Variants in SMCHD1 observed in about 807,000 individuals in gnomAD.
SMCHD1 encodes structural maintenance of chromosomes flexible hinge domain containing 1.
In SMCHD1, 78 loss-of-function variants were observed where a neutral mutation model predicts 254.7. The observed-to-expected ratio is 0.31, with a 90% CI of 0.26 to 0.37. SMCHD1 has a LOEUF of 0.37. Ranked by LOEUF, SMCHD1 falls within the 10% of genes least tolerant of loss-of-function variation. SMCHD1 has a pLI of 1.00. For synonymous variants in SMCHD1, 766 were observed against 794.9 expected (o/e 0.96, Z 0.61); for missense variants, 1,840 against 2,408.1 (o/e 0.76, Z 4.94).
chr18:2,673,996 A>G lies in SMCHD1; in HGVS notation c.508-19A>G. On this transcript the variant is annotated intron_variant, in intron 4 of 47. Coordinates refer to ENST00000320876, the MANE Select transcript of SMCHD1 (RefSeq NM_015295.3). ...TGATTTGACTTTTCCTGTCTTTTTGAACTTATTTTGTTTCATAGCTTTTTG... is the reference window on the plus strand; with the variant it reads ...TGATTTGACTTTTCCTGTCTTTTTGGACTTATTTTGTTTCATAGCTTTTTG... 6.4e-7 allele frequency: 1 copy of G among 1,557,148 alleles called. No homozygotes were observed. The highest frequency in any genetic ancestry group is 1.2e-5 in the South Asian group (1 of 82,252).
chr18:2,763,966 ATAAG>A (rs1216845167), intron 37 of SMCHD1, 177 bp downstream of exon 37: 2 of 556,574 alleles, frequency 3.6e-6, no homozygotes, highest in African/African-American at 4.0e-5. Flanking sequence ...CAAGATCTTT[ATAAG>A]TAAGACTCTC....
rs760754729 is a variant in SMCHD1, at chr18:2,777,826, A to C, written c.5387A>C (p.Asn1796Thr). 7.8e-6 allele frequency: 12 copies of C among 1,537,058 alleles called. No homozygotes were observed. In the Admixed American group the frequency reaches 2.2e-4, roughly 29 times the overall value. ...DWKRSLPHFR[N>T]GKLYFKPIGD... ...TTTAGATCTCTACCTCATTTCCGAA[A>C]TGGAAAATTGTATTTTAAACCCATT... Residue 1796 changes from asparagine to threonine, a missense_variant, in exon 43 of 48, where the codon AAT becomes ACT. Physicochemically the swap from Asn to Thr is moderately conservative, Grantham distance 65. Around this residue, in one of 9 missense-constraint regions of SMCHD1, gnomAD observed 114 missense variants for 217.6 expected, o/e 0.52. Transcript: ENST00000320876.
At position 2,689,220 on chromosome 18, in the gene SMCHD1, C is replaced by CTT. The variant is rs71159003; in HGVS notation, c.873+487_873+488dup. ...CTTTGTTTGAAACATGATTTTTTTT[C>CTT]TTTTTTTTTTTTTTTGAGATGGAGT... On this transcript the variant is annotated intron_variant, in intron 7 of 47. Coordinates refer to ENST00000320876, the MANE Select transcript of SMCHD1 (RefSeq NM_015295.3). Among the ~76,000 whole-genome samples the CTT allele has an allele frequency of 2.6e-3, 347 of 132,032 alleles. 6 individuals carry two copies. Among genetic ancestry groups the CTT allele is most frequent in the South Asian group, 0.011 (47 of 4,088 alleles). The allele number at this position is 132,032 out of a possible 152,430, so 86.6% of individuals were successfully genotyped here. A position where few individuals can be genotyped will look rare whatever the true frequency, so the allele number is the denominator to read the frequency against.
chr18:2,665,699 T>C lies in SMCHD1; in HGVS notation c.187-458T>C, dbSNP rs570179022. On this transcript the variant is annotated intron_variant, in intron 1 of 47. Transcript: ENST00000320876. ...ACCTGTATGTCTTACAAAGCATGGC[T>C]GTTCTTCCCTCCGTGCTATAAAATG... is the stretch of plus-strand genomic sequence containing the variant. Among the ~76,000 whole-genome samples the C allele has an allele frequency of 3.3e-5, 5 of 152,362 alleles. No homozygotes were observed. In the South Asian group the frequency reaches 1.0e-3, roughly 32 times the overall value.
Position 2,707,493 on chromosome 18 carries a change from C to T in SMCHD1, c.2064-70C>T, listed in dbSNP as rs961308686. The T allele has an allele frequency of 1.0e-5, 9 of 888,000 alleles. No homozygotes were observed. The African/African-American group carries it at 1.6e-4, about 15-fold the overall frequency. The allele number at this position is 888,000 out of a possible 1,614,324, so 55.0% of individuals were successfully genotyped here. On this transcript the variant is annotated intron_variant, in intron 15 of 47. Coordinates refer to ENST00000320876, the MANE Select transcript of SMCHD1 (RefSeq NM_015295.3). Reference sequence around the variant, plus strand: ...CAATAAATATTTAAGTTTCTAATAACTCGTATCTTTTTAATTAAGATCATA... The same window carrying T: ...CAATAAATATTTAAGTTTCTAATAATTCGTATCTTTTTAATTAAGATCATA...
chr18:2,656,929 A>AGC (rs2073084528), intron 1 of SMCHD1, among the ~76,000 whole-genome samples: 1 of 152,204 alleles, frequency 6.6e-6, no homozygotes, highest in South Asian at 2.1e-4. Context: ...GTGGCTGTGG[A>AGC]GCACCAGAAA....
intron 38 of SMCHD1, 27 bp from the exon 39 acceptor site, chr18:2,769,957 ATTATT>A: frequency 6.4e-7 from 1 of 1,554,848 alleles, no homozygotes; most frequent in Non-Finnish European, 8.6e-7. Flanking sequence ...CAGTTTTTAA[ATTATT>A]TAAATTATCT....
chr18:2,731,623 T>C (rs916670637), intron 24 of SMCHD1, among the ~76,000 whole-genome samples: 1 of 152,258 alleles, frequency 6.6e-6, no homozygotes, highest in Admixed American at 6.5e-5. Context: ...AAGTTCTTAA[T>C]TTCTTACATC....
At chr18:2,672,140 G>A (rs1450706363) in intron 3 of SMCHD1, among the ~76,000 whole-genome samples, 2 of 152,136 alleles carry the variant, frequency 1.3e-5, no homozygotes, top group African/African-American at 4.8e-5. Flanking sequence ...CTGATTTGTG[G>A]TAACTTCTTT....
At chr18:2,748,374 GTGTGTGTGTATA>G (rs1157144981) in intron 30 of SMCHD1, among the ~76,000 whole-genome samples, 2,912 of 51,858 alleles carry the variant, frequency 0.056, 161 homozygotes, top group East Asian at 0.17. Context: ...GTGTGTGTGT[GTGTGTGTGTATA>G]TAAATTTTTT....
At chr18:2,673,501 T>G (rs2073666444) in intron 4 of SMCHD1, 138 bp downstream of exon 4, 1 of 673,718 alleles carries the variant, frequency 1.5e-6, no homozygotes, top group Admixed American at 3.5e-5. Flanking sequence ...ATTGTTAAAA[T>G]TTTTTCACGT....
chr18:2,725,313 T>C (rs930551868), intron 21 of SMCHD1, among the ~76,000 whole-genome samples: 20 of 151,926 alleles, frequency 1.3e-4, no homozygotes, highest in African/African-American at 3.9e-4. Context: ...TTTTTTTTTT[T>C]TCTCTCTCCT....
At chr18:2,725,032 GTATT>G (rs765412750) in intron 21 of SMCHD1, 37 bp downstream of exon 21, 18 of 1,194,644 alleles carry the variant, frequency 1.5e-5, no homozygotes, top group South Asian at 5.1e-5. Flanking sequence ...TACTTGTTAA[GTATT>G]TATTTATCAT....
chr18:2,671,375 A>G (rs1163760501), intron 3 of SMCHD1, among the ~76,000 whole-genome samples: 1 of 152,180 alleles, frequency 6.6e-6, no homozygotes, highest in Admixed American at 6.5e-5. Context: ...AAATGATATG[A>G]AAACCCTATC....
intron 35 of SMCHD1, among the ~76,000 whole-genome samples, chr18:2,761,026 A>G (rs926824412): frequency 5.3e-5 from 8 of 152,208 alleles, no homozygotes; most frequent in Non-Finnish European, 2.9e-5. Context: ...GTAGTGTTGT[A>G]AAGTTGCTTA....
At chr18:2,716,464 G>A (rs2143348523) in intron 17 of SMCHD1, among the ~76,000 whole-genome samples, 1 of 152,344 alleles carries the variant, frequency 6.6e-6, no homozygotes, top group South Asian at 2.1e-4. Flanking sequence ...GTACTCTGAT[G>A]TCCTAGATGA....
intron 5 of SMCHD1, among the ~76,000 whole-genome samples, chr18:2,683,863 C>T (rs2073982543): frequency 6.6e-6 from 1 of 152,004 alleles, no homozygotes; most frequent in South Asian, 2.1e-4. Flanking sequence ...TTTGTGTTTT[C>T]ATGCTATATC....
At position 2,707,841 on chromosome 18, in the gene SMCHD1, G is replaced by C. The variant is rs764631816; in HGVS notation, c.2181G>C (p.Gly727=). ...GAATTGAAATACTGAATAAAAAAGG[G>C]GAAGCAATGCAAAAGCTTCCAGGAA... is the stretch of plus-strand genomic sequence containing the variant. ...ALRIEILNKK[G]EAMQKLPGTS... The change falls in exon 17 of 48, where the codon GGG becomes GGC. Residue 727 remains glycine (G), a synonymous_variant. Transcript: ENST00000320876. 1 of 1,608,602 alleles carries C rather than the reference G, an allele frequency of 6.2e-7. No homozygotes were observed. The highest frequency in any genetic ancestry group is 1.8e-4 in the Middle Eastern group (1 of 5,522).
intron 5 of SMCHD1, among the ~76,000 whole-genome samples, chr18:2,676,423 A>G (rs965873105): frequency 1.3e-5 from 2 of 152,214 alleles, no homozygotes; most frequent in African/African-American, 4.8e-5. Context: ...TTGAATGATC[A>G]GAAGAAAGTA....
Sources: gnomAD v4.1 joint callset for allele counts (sites outside exome capture counted in the v4.1 genomes callset) on GRCh38, gnomAD v4.1.1 for gene constraint, gnomAD v4.1.1 regional missense constraint, MANE v1.5 for transcripts, NCBI Gene and HGNC (gene_info 2026-07-23, HGNC 2026-07-21) for gene names.